Variants in FER observed in about 807,000 individuals in gnomAD.
FER encodes the protein FER tyrosine kinase, also known as tyrosine-protein kinase Fer.
In FER, 63 loss-of-function variants were observed where a neutral mutation model predicts 111.0. The observed-to-expected ratio is 0.57, with a 90% CI of 0.46 to 0.70. FER has a LOEUF of 0.70. Among genes scored for constraint, FER ranks in the 30% least tolerant of loss-of-function variants. The pLI, the probability that FER is intolerant of heterozygous loss-of-function variation, is 0.00. For missense variants in FER, 914 were observed against 954.0 expected, an observed-to-expected ratio of 0.96 and a Z score of 0.55; for synonymous variants, 327 against 313.9, an observed-to-expected ratio of 1.04 and a Z score of -0.44.
intron 17 of FER, among the ~76,000 whole-genome samples, chr5:109,149,694 TAGG>T (rs1176896099): frequency 6.6e-6 from 1 of 152,158 alleles, no homozygotes; most frequent in African/African-American, 2.4e-5. Context: ...TAAGTAGTTT[TAGG>T]AGAATATGGA....
intron 17 of FER, among the ~76,000 whole-genome samples, chr5:109,166,783 A>T (rs1756600745): frequency 6.6e-6 from 1 of 152,076 alleles, no homozygotes; most frequent in African/African-American, 2.4e-5. Context: ...TGGGGCCTTT[A>T]TGCTGGCTGT....
chr5:109,105,924 T>C (rs1343467290), intron 17 of FER, among the ~76,000 whole-genome samples: 1 of 152,232 alleles, frequency 6.6e-6, no homozygotes, highest in East Asian at 1.9e-4. Context: ...GCTAAATGAA[T>C]GAACCTTCAA....
chr5:109,051,194 T>C (rs1380508701), intron 16 of FER: 1 of 706,292 alleles, frequency 1.4e-6, no homozygotes, highest in Non-Finnish European at 2.5e-6. Context: ...CTAAGCCTCA[T>C]GAATAAGACT....
intron 5 of FER, among the ~76,000 whole-genome samples, chr5:108,858,124 A>G (rs978138586): frequency 5.3e-5 from 8 of 152,144 alleles, no homozygotes; most frequent in Admixed American, 1.3e-4. Context: ...TCTGTTATCT[A>G]TTGGTCTGTC....
intron 2 of FER, among the ~76,000 whole-genome samples, chr5:108,792,279 T>C (rs1334420550): frequency 6.6e-6 from 1 of 152,258 alleles, no homozygotes; most frequent in East Asian, 1.9e-4. Flanking sequence ...AGAATCTTTC[T>C]TAACAATATT....
chr5:108,868,695 C>T (rs541261198), intron 6 of FER, among the ~76,000 whole-genome samples: 5 of 151,936 alleles, frequency 3.3e-5, no homozygotes, highest in Non-Finnish European at 7.4e-5. Flanking sequence ...AATGGAAGAG[C>T]ATTAGAAAAG....
chr5:108,905,129 C>G lies in FER; in HGVS notation c.1236+7281C>G, dbSNP rs145142479. 2.6e-5 allele frequency among the ~76,000 whole-genome samples: 4 copies of G among 152,102 alleles called. No individual in the cohort carries two copies. In the East Asian group the frequency reaches 7.7e-4, roughly 29 times the overall value. ...ATATAAATGAAGTCATTTCATATCA[C>G]GTTAGCCAATGGATGATGCCAGAAA... On this transcript the variant is annotated intron_variant, in intron 10 of 19. Coordinates refer to ENST00000281092, the MANE Select transcript of FER (RefSeq NM_005246.4).
intron 13 of FER, among the ~76,000 whole-genome samples, chr5:109,017,584 G>A (rs1767327833): frequency 6.6e-6 from 1 of 151,864 alleles, no homozygotes; most frequent in African/African-American, 2.4e-5. Flanking sequence ...TAACTTATTT[G>A]CATATCATAA....
chr5:108,750,243 A>C (rs886867846), intron 1 of FER, among the ~76,000 whole-genome samples: 4 of 151,794 alleles, frequency 2.6e-5, no homozygotes, highest in Non-Finnish European at 5.9e-5. Context: ...ATACTTTTCA[A>C]TTCATATGTG....
intron 16 of FER, among the ~76,000 whole-genome samples, chr5:109,077,277 C>T (rs766984845): frequency 8.6e-5 from 13 of 152,016 alleles, no homozygotes; most frequent in Non-Finnish European, 1.8e-4. Flanking sequence ...CATGAGCAAC[C>T]GTAATGAAAC....
intron 5 of FER, among the ~76,000 whole-genome samples, chr5:108,842,095 A>G (rs952128499): frequency 6.6e-5 from 10 of 152,146 alleles, no homozygotes; most frequent in Non-Finnish European, 1.2e-4. Context: ...AGAAATATTC[A>G]CAGCTGAAGT....
In FER at chr5:109,050,340, G is replaced by A. The variant is rs1273693185; in HGVS notation, c.1924+3142G>A. On this transcript the variant is annotated intron_variant, in intron 16 of 19. Coordinates refer to ENST00000281092, the MANE Select transcript of FER (RefSeq NM_005246.4). ...ATTATATAATGTAAACACCGTATTG[G>A]CCCACACCACAAAAATCCATGAGAA... Among the ~76,000 whole-genome samples the A allele has an allele frequency of 2.6e-5, 4 of 152,096 alleles. No individual in the cohort carries two copies. In the East Asian group the frequency reaches 7.7e-4, roughly 29 times the overall value.
chr5:109,133,655 A>G (rs1157368907), intron 17 of FER, among the ~76,000 whole-genome samples: 2 of 152,194 alleles, frequency 1.3e-5, no homozygotes, highest in South Asian at 2.1e-4. Flanking sequence ...AAGCAAGACC[A>G]TGTCAAGAAA....
rs534866865 is a variant in FER, at chr5:109,188,320, C to G, written c.*745C>G. On this transcript the variant is annotated 3_prime_UTR_variant, in exon 20 of 20. Coordinates refer to ENST00000281092, the MANE Select transcript of FER (RefSeq NM_005246.4). ...CCCTCCCTCCTTTGGGAGGCTGAGGCAGGCGGATCACCTGAGGTCAGGAGT... is the reference window on the plus strand; with the variant it reads ...CCCTCCCTCCTTTGGGAGGCTGAGGGAGGCGGATCACCTGAGGTCAGGAGT... 13 of 146,070 alleles carry G rather than the reference C, an allele frequency of 8.9e-5. No homozygotes were observed. The highest frequency in any genetic ancestry group is 2.7e-4 in the African/African-American group (11 of 40,226). 9.0% of individuals were successfully genotyped at this position (146,070 alleles called of 1,614,324 possible).
intron 2 of FER, among the ~76,000 whole-genome samples, chr5:108,795,952 G>A (rs1056404593): frequency 6.6e-6 from 1 of 152,144 alleles, no homozygotes; most frequent in Non-Finnish European, 1.5e-5. Context: ...CTGTACATTC[G>A]AGAGTTAGGT....
At chr5:108,774,642 C>T (rs867759978) in intron 2 of FER, among the ~76,000 whole-genome samples, 1 of 152,046 alleles carries the variant, frequency 6.6e-6, no homozygotes, top group Non-Finnish European at 1.5e-5. Context: ...ATTTGCATTT[C>T]TTTAACGATC....
At chr5:108,854,657 T>C (rs1762827719) in intron 5 of FER, among the ~76,000 whole-genome samples, 1 of 152,154 alleles carries the variant, frequency 6.6e-6, no homozygotes, top group South Asian at 2.1e-4. Flanking sequence ...TAGAGCGGGC[T>C]GGACGTGGTG....
chr5:108,879,891 G>A (rs981177182), intron 8 of FER, among the ~76,000 whole-genome samples: 3 of 151,222 alleles, frequency 2.0e-5, no homozygotes, highest in Admixed American at 1.3e-4. Context: ...TGTATTTTTA[G>A]TAGAGACGAG....
chr5:109,109,649 G>A (rs1308791025), intron 17 of FER, among the ~76,000 whole-genome samples: 1 of 152,074 alleles, frequency 6.6e-6, no homozygotes, highest in East Asian at 1.9e-4. Context: ...AGCATCTCAG[G>A]GGGACCACAA....
Sources: allele counts gnomAD v4.1 joint callset (sites outside exome capture counted in the v4.1 genomes callset), GRCh38; gene constraint gnomAD v4.1.1; transcripts MANE v1.5; gene names NCBI Gene and HGNC (gene_info 2026-07-23, HGNC 2026-07-21).